Variants in UNC5D observed in about 807,000 individuals in gnomAD.
UNC5D encodes netrin receptor UNC5D.
UNC5D carries 39 observed loss-of-function variants against 105.4 expected under a neutral mutation model. That is an observed-to-expected ratio of 0.37 (90% CI 0.29 to 0.48). The LOEUF (loss-of-function observed/expected upper bound fraction) is 0.48. UNC5D is among the 20% of genes least tolerant of loss of function. The pLI, the probability that UNC5D is intolerant of heterozygous loss-of-function variation, is 0.98. For synonymous variants in UNC5D, 452 were observed against 450.4 expected (o/e 1.00, Z -0.04); for missense variants, 991 against 1,202.4 (o/e 0.82, Z 2.60).
chr8:35,721,333 C>A (rs768111828), intron 8 of UNC5D: 12 of 683,046 alleles, frequency 1.8e-5, no homozygotes, highest in Non-Finnish European at 2.9e-5. Context: ...ATAACCACAT[C>A]CAACGCACCT....
At chr8:35,434,338 A>G (rs1013450253) in intron 1 of UNC5D, among the ~76,000 whole-genome samples, 9 of 152,076 alleles carry the variant, frequency 5.9e-5, no homozygotes, top group Admixed American at 4.6e-4. Context: ...AAAACTATCA[A>G]TTGTTGTCTT....
intron 1 of UNC5D, among the ~76,000 whole-genome samples, chr8:35,380,297 C>A (rs1270411669): frequency 6.6e-6 from 1 of 151,386 alleles, no homozygotes; most frequent in African/African-American, 2.4e-5. Context: ...ACTATGAGGA[C>A]CCCACTCTCT....
At chr8:35,716,922 A>G (rs1828281642) in intron 8 of UNC5D, among the ~76,000 whole-genome samples, 1 of 152,202 alleles carries the variant, frequency 6.6e-6, no homozygotes, top group Non-Finnish European at 1.5e-5. Context: ...TCAGCATGCA[A>G]TTAAATATTT....
At chr8:35,725,595 C>T (rs781236999) in intron 9 of UNC5D, among the ~76,000 whole-genome samples, 9 of 152,016 alleles carry the variant, frequency 5.9e-5, no homozygotes, top group Non-Finnish European at 1.2e-4. Flanking sequence ...TGCCCTGACC[C>T]TTTTGCTCTG....
At chr8:35,250,828 C>T (rs574402670) in intron 1 of UNC5D, among the ~76,000 whole-genome samples, 83 of 152,172 alleles carry the variant, frequency 5.5e-4, no homozygotes, top group Admixed American at 2.6e-3. Context: ...CTCCTTCCCC[C>T]ACTCTAGTAG....
chr8:35,416,415 CTAAT>C (rs1805539611), intron 1 of UNC5D, among the ~76,000 whole-genome samples: 1 of 151,990 alleles, frequency 6.6e-6, no homozygotes, highest in Admixed American at 6.6e-5. Flanking sequence ...TAAAAAATGA[CTAAT>C]TGAGAACACA....
At chr8:35,247,637 A>G (rs13260977) in intron 1 of UNC5D, among the ~76,000 whole-genome samples, 9,653 of 43,436 alleles carry the variant, frequency 0.22, 1,437 homozygotes, top group Middle Eastern at 0.32. Flanking sequence ...TATATAATAT[A>G]TAAATATATA....
intron 11 of UNC5D, 30 bp from the exon 12 acceptor site, chr8:35,748,497 C>A: frequency 1.2e-6 from 2 of 1,602,892 alleles, no homozygotes; most frequent in Non-Finnish European, 1.7e-6. Flanking sequence ...CTACATACTT[C>A]TCTCTTCTAT....
Position 35,522,481 on chromosome 8 carries a change from C to T in UNC5D, c.104-26811C>T, listed in dbSNP as rs1000733489. On this transcript the variant is annotated intron_variant, in intron 1 of 16. Transcript: ENST00000404895. ...GTGATTTCAATCAATTGCTGAAATG[C>T]CTTGGGATATTTTTACCCTGTGAAC... is the stretch of plus-strand genomic sequence containing the variant. Among the ~76,000 whole-genome samples the T allele has an allele frequency of 3.2e-4, 49 of 152,262 alleles. 1 individual carries two copies. Among genetic ancestry groups the T allele is most frequent in the Admixed American group, 2.2e-3 (33 of 15,294 alleles).
At chr8:35,725,715 T>C (rs1828822216) in intron 9 of UNC5D, among the ~76,000 whole-genome samples, 2 of 152,188 alleles carry the variant, frequency 1.3e-5, no homozygotes, top group Non-Finnish European at 2.9e-5. Flanking sequence ...TCACCACGCT[T>C]TGTCATCTCT....
intron 4 of UNC5D, among the ~76,000 whole-genome samples, chr8:35,604,142 G>T (rs1246027939): frequency 3.9e-5 from 6 of 152,042 alleles, no homozygotes; most frequent in South Asian, 2.1e-4. Context: ...GTAGCCTTGA[G>T]GGTCTTTACA....
In UNC5D at chr8:35,651,556, A is replaced by G. The variant is rs75092944; in HGVS notation, c.571-31991A>G. On this transcript the variant is annotated intron_variant, in intron 4 of 16. Coordinates refer to ENST00000404895, the MANE Select transcript of UNC5D (RefSeq NM_080872.4). The stretch of plus-strand genomic sequence containing the variant: ...TCATATTTTCAGCTTTAAAAAGAAT[A>G]AGAAAATTCACAAAACAGTTTAAGA... Among the ~76,000 whole-genome samples, 1,095 of 152,314 alleles carry G rather than the reference A, an allele frequency of 7.2e-3. 22 individuals carry two copies. Among genetic ancestry groups the G allele is most frequent in the African/African-American group, 0.024 (1,007 of 41,566 alleles).
At chr8:35,425,198 A>G (rs908170139) in intron 1 of UNC5D, among the ~76,000 whole-genome samples, 2 of 152,218 alleles carry the variant, frequency 1.3e-5, no homozygotes, top group African/African-American at 4.8e-5. Flanking sequence ...AAATAAAAAG[A>G]AAAAAGAAAT....
intron 1 of UNC5D, among the ~76,000 whole-genome samples, chr8:35,321,650 T>G: frequency 6.6e-6 from 1 of 152,176 alleles, no homozygotes; most frequent in Non-Finnish European, 1.5e-5. Context: ...TACAGTCCTC[T>G]TGAGTGCAAC....
intron 3 of UNC5D, among the ~76,000 whole-genome samples, chr8:35,568,569 G>T (rs538265636): frequency 6.6e-6 from 1 of 152,124 alleles, no homozygotes; most frequent in Non-Finnish European, 1.5e-5. Context: ...TGCGTCTGTC[G>T]TCCCAGCTAC....
intron 1 of UNC5D, among the ~76,000 whole-genome samples, chr8:35,397,052 G>A (rs898284772): frequency 6.6e-6 from 1 of 151,610 alleles, no homozygotes; most frequent in African/African-American, 2.4e-5. Context: ...GATTACAGGT[G>A]TGTGCCACCA....
At chr8:35,258,112 G>A (rs556512818) in intron 1 of UNC5D, among the ~76,000 whole-genome samples, 1 of 152,132 alleles carries the variant, frequency 6.6e-6, no homozygotes, top group South Asian at 2.1e-4. Flanking sequence ...TGTCTAGGAG[G>A]GCTGCTCTCT....
intron 1 of UNC5D, among the ~76,000 whole-genome samples, chr8:35,260,369 T>C (rs553964086): frequency 1.3e-5 from 2 of 152,338 alleles, no homozygotes; most frequent in Admixed American, 1.3e-4. Context: ...TCAGGCTTCA[T>C]TGGCAATGCT....
At chr8:35,651,669 C>T (rs766557831) in intron 4 of UNC5D, among the ~76,000 whole-genome samples, 3 of 152,220 alleles carry the variant, frequency 2.0e-5, no homozygotes, top group Non-Finnish European at 2.9e-5. Context: ...GATTCCTTCA[C>T]TTCTTCTGTA....
Sources: gnomAD v4.1 joint callset for allele counts (sites outside exome capture counted in the v4.1 genomes callset) on GRCh38, gnomAD v4.1.1 for gene constraint, MANE v1.5 for transcripts, NCBI Gene and HGNC (gene_info 2026-07-23, HGNC 2026-07-21) for gene names.